The following PRICKLE1 variants were observed in gnomAD, a reference collection of about 807,000 sequenced individuals.
The protein encoded by PRICKLE1 is prickle planar cell polarity protein 1.
A neutral mutation model predicts 70.2 loss-of-function variants in PRICKLE1; 14 were observed. That is an observed-to-expected ratio of 0.20 (90% confidence interval 0.13 to 0.31). PRICKLE1 has a LOEUF of 0.31. Ranked by LOEUF, PRICKLE1 falls within the 10% of genes least tolerant of loss-of-function variation. The probability of loss-of-function intolerance (pLI) is 1.00; values close to 1 mark genes in which losing one functional copy is unlikely to be tolerated. For synonymous variants in PRICKLE1, 357 were observed against 379.9 expected (o/e 0.94, Z 0.70); for missense variants, 821 against 1,026.2 (o/e 0.80, Z 2.73).
chr12:42,482,807 A>T (rs984877247), intron 1 of PRICKLE1: 5 of 152,442 alleles, frequency 3.3e-5, no homozygotes, highest in African/African-American at 1.2e-4. Context: ...CAGCCGGCCA[A>T]TTCTTGATGG....
At chr12:42,516,552 A>G (rs994092153) in intron 1 of PRICKLE1, among the ~76,000 whole-genome samples, 3 of 152,092 alleles carry the variant, frequency 2.0e-5, no homozygotes, top group African/African-American at 7.2e-5. Flanking sequence ...TGATATGTAT[A>G]TTTTAAGTGT....
chr12:42,570,585 C>T (rs1196723700), intron 1 of PRICKLE1, among the ~76,000 whole-genome samples: 3 of 152,050 alleles, frequency 2.0e-5, no homozygotes, highest in Admixed American at 6.5e-5. Flanking sequence ...TTTGGGAGGC[C>T]GAAGCGGGTG....
At chr12:42,508,536 A>AT (rs1939457910) in intron 1 of PRICKLE1, among the ~76,000 whole-genome samples, 1 of 152,222 alleles carries the variant, frequency 6.6e-6, no homozygotes, top group Non-Finnish European at 1.5e-5. Context: ...TAGAAATGTA[A>AT]AATTCATCAA....
chr12:42,554,758 T>A (rs960542582), intron 1 of PRICKLE1, among the ~76,000 whole-genome samples: 1 of 152,308 alleles, frequency 6.6e-6, no homozygotes, highest in East Asian at 1.9e-4. Flanking sequence ...GTGAAGGTTA[T>A]AAAACACAGA....
Position 42,588,525 on chromosome 12 carries a change from T to C in PRICKLE1, c.-49+940A>G, listed in dbSNP as rs570978409. On this transcript the variant is annotated intron_variant, in intron 1 of 7. Transcript: ENST00000345127. Reference sequence around the variant, plus strand: ...TGTAGTTGTTGGTGCTTTTTTTTTTTCCTTTAGGCTGGTTCCCGTGGTGTG... The same window carrying C: ...TGTAGTTGTTGGTGCTTTTTTTTTTCCCTTTAGGCTGGTTCCCGTGGTGTG... Among the ~76,000 whole-genome samples, 532 of 152,032 alleles carry C rather than the reference T, an allele frequency of 3.5e-3. 2 individuals are homozygous for C. The highest frequency in any genetic ancestry group is 0.012 in the African/African-American group (495 of 41,488).
intron 1 of PRICKLE1, among the ~76,000 whole-genome samples, chr12:42,493,333 T>C (rs541456293): frequency 4.0e-4 from 61 of 152,276 alleles, no homozygotes; most frequent in African/African-American, 1.4e-3. Context: ...ATGTACCCCA[T>C]AAATATATAC....
chr12:42,488,088 G>A (rs1305486395), intron 1 of PRICKLE1, among the ~76,000 whole-genome samples: 1 of 152,040 alleles, frequency 6.6e-6, no homozygotes, highest in East Asian at 1.9e-4. Flanking sequence ...TATAGAAACA[G>A]AAGTGTCACT....
intron 1 of PRICKLE1, among the ~76,000 whole-genome samples, chr12:42,495,397 AAAAAGAG>A (rs1334045225): frequency 6.7e-6 from 1 of 149,520 alleles, no homozygotes; most frequent in Non-Finnish European, 1.5e-5. Context: ...AAAAAAAAAA[AAAAAGAG>A]AGAGAGAGAG....
intron 1 of PRICKLE1, chr12:42,489,909 T>A (rs1463910447): frequency 6.6e-6 from 1 of 152,152 alleles, no homozygotes; most frequent in Non-Finnish European, 1.5e-5. Flanking sequence ...GATTCACTGA[T>A]AGATTCTTTG....
At position 42,467,913 on chromosome 12, in the gene PRICKLE1, T is replaced by C. The variant is rs189535624; in HGVS notation, c.588+713A>G. Among the ~76,000 whole-genome samples, 17 of 152,304 alleles carry C rather than the reference T, an allele frequency of 1.1e-4. No individual in the cohort carries two copies. The East Asian group carries it at 2.3e-3, about 21-fold the overall frequency. ...AGTAAATGCAATGAAGCACCCTGGA[T>C]TGATCTTGGATAAGAAAAGGAGCAT... On this transcript the variant is annotated intron_variant, in intron 5 of 7. Transcript: ENST00000345127.
chr12:42,490,894 T>C (rs765493549), intron 1 of PRICKLE1, among the ~76,000 whole-genome samples: 3 of 152,168 alleles, frequency 2.0e-5, no homozygotes, highest in East Asian at 1.9e-4. Context: ...TTTTGAGACA[T>C]AGTCTTAACT....
chr12:42,561,695 A>G (rs1381721694), intron 1 of PRICKLE1, among the ~76,000 whole-genome samples: 2 of 152,124 alleles, frequency 1.3e-5, no homozygotes, highest in Non-Finnish European at 1.5e-5. Context: ...TTAGATGTCA[A>G]TTTTTAATGA....
At chr12:42,532,679 C>T (rs541804860) in intron 1 of PRICKLE1, among the ~76,000 whole-genome samples, 1 of 152,020 alleles carries the variant, frequency 6.6e-6, no homozygotes, top group South Asian at 2.1e-4. Flanking sequence ...GGGCGGATCA[C>T]GAGGTCAGGA....
At chr12:42,484,990 A>T (rs916831128) in intron 1 of PRICKLE1, among the ~76,000 whole-genome samples, 1 of 152,208 alleles carries the variant, frequency 6.6e-6, no homozygotes, top group Non-Finnish European at 1.5e-5. Flanking sequence ...CAGTAAATAA[A>T]AGCAATTTAA....
intron 1 of PRICKLE1, among the ~76,000 whole-genome samples, chr12:42,552,059 CTTTTTTTTTTTTTTT>C (rs201217516): frequency 3.1e-5 from 4 of 129,232 alleles, no homozygotes; most frequent in Non-Finnish European, 4.8e-5. Flanking sequence ...AAGAAAGTTA[CTTTTTTTTTTTTTTT>C]TTTTTTTTTG....
At chr12:42,553,792 A>G (rs1940366985) in intron 1 of PRICKLE1, among the ~76,000 whole-genome samples, 1 of 152,134 alleles carries the variant, frequency 6.6e-6, no homozygotes, top group Non-Finnish European at 1.5e-5. Flanking sequence ...CATCTGCCTC[A>G]GTTCTCTCCT....
intron 1 of PRICKLE1, among the ~76,000 whole-genome samples, chr12:42,557,446 T>C (rs1940431193): frequency 6.6e-6 from 1 of 152,150 alleles, no homozygotes; most frequent in African/African-American, 2.4e-5. Flanking sequence ...GCTCAATTTG[T>C]GTACAAGAGC....
chr12:42,521,169 C>T (rs1001027535), intron 1 of PRICKLE1, among the ~76,000 whole-genome samples: 6 of 151,638 alleles, frequency 4.0e-5, no homozygotes, highest in African/African-American at 1.5e-4. Context: ...GCACAAGACC[C>T]CGTCTTAAAA....
intron 1 of PRICKLE1, among the ~76,000 whole-genome samples, chr12:42,571,384 C>T (rs1940710382): frequency 6.6e-6 from 1 of 152,078 alleles, no homozygotes; most frequent in Non-Finnish European, 1.5e-5. Context: ...CAAGAGAATA[C>T]AAAAAGAAGC....
Sources: allele counts gnomAD v4.1 joint callset (sites outside exome capture counted in the v4.1 genomes callset), GRCh38; gene constraint gnomAD v4.1.1; transcripts MANE v1.5; gene names NCBI Gene and HGNC (gene_info 2026-07-23, HGNC 2026-07-21).